Variants in MCOLN2 observed in about 807,000 individuals in gnomAD.
MCOLN2 encodes mucolipin-2.
A neutral mutation model predicts 67.5 loss-of-function variants in MCOLN2; 57 were observed. That is an observed-to-expected ratio of 0.84 (90% CI 0.68 to 1.05). The LOEUF (loss-of-function observed/expected upper bound fraction) is 1.05. Ranked by LOEUF, MCOLN2 falls within the 50% of genes least tolerant of loss-of-function variation. The probability of loss-of-function intolerance (pLI) is 0.00; values close to 1 mark genes in which losing one functional copy is unlikely to be tolerated. For missense variants in MCOLN2, 620 were observed against 678.8 expected (o/e 0.91, Z 0.96); for synonymous variants, 246 against 233.3 (o/e 1.05, Z -0.50).
intron 6 of MCOLN2, 107 bp downstream of exon 6, chr1:84,952,136 A>G: frequency 1.4e-6 from 1 of 692,364 alleles, no homozygotes. Flanking sequence ...TGTTTTAAAC[A>G]TGACTGCATT....
chr1:84,956,674 T>C lies in MCOLN2; in HGVS notation c.412-90A>G, dbSNP rs974974491. ...CATATAGAATGTACTTTCAGTTACT[T>C]TGTATTGTTTACATCATGGCTCTCA... On this transcript the variant is annotated intron_variant, in intron 3 of 13. Transcript: ENST00000370608. 4.5e-6 allele frequency: 5 copies of C among 1,105,366 alleles called. No individual in the cohort carries two copies. The African/African-American group carries it at 6.5e-5, about 14-fold the overall frequency. The allele number at this position is 1,105,366 out of a possible 1,614,324, so 68.5% of individuals were successfully genotyped here. A position where few individuals can be genotyped will look rare whatever the true frequency, so the allele number is the denominator to read the frequency against.
intron 1 of MCOLN2, among the ~76,000 whole-genome samples, chr1:84,981,963 A>T (rs1650278258): frequency 6.6e-6 from 1 of 152,164 alleles, no homozygotes; most frequent in Admixed American, 6.5e-5. Context: ...AAAATTAAAA[A>T]TAAAAGATAA....
At chr1:84,996,761 C>G in intron 1 of MCOLN2, 35 bp downstream of exon 1, 2 of 1,585,950 alleles carry the variant, frequency 1.3e-6, no homozygotes, top group Non-Finnish European at 1.7e-6. Flanking sequence ...TTTCTCCAGT[C>G]CAGCATCCTG....
chr1:84,969,083 T>C (rs531691883), intron 1 of MCOLN2, among the ~76,000 whole-genome samples: 16 of 151,418 alleles, frequency 1.1e-4, no homozygotes, highest in Non-Finnish European at 1.9e-4. Flanking sequence ...GAGGGTGTTG[T>C]ACCCGGGGAG....
At position 84,929,610 on chromosome 1, in the gene MCOLN2, C is replaced by A. The variant is rs1389420080; in HGVS notation, c.1612G>T (p.Glu538Ter). ...AAGGCTGAGGACTCTTTCTGATACT[C>A]TTCTTTGCTACTGCATTCCTTCAGG... ...EFLKECSSKE[E>*]YQKESSAFLS... The change falls in exon 13 of 14, where the codon GAG (glutamate) becomes TAG (stop). Residue 538 changes from glutamate (E) to a stop codon, truncating the protein, a stop_gained. Transcript: ENST00000370608. LOFTEE classifies it high-confidence loss of function. The A allele has an allele frequency of 1.2e-6, 2 of 1,613,870 alleles. No individual in the cohort carries two copies. Among genetic ancestry groups the A allele is most frequent in the Non-Finnish European group, 1.7e-6 (2 of 1,179,872 alleles).
At position 84,941,050 on chromosome 1, in the gene MCOLN2, A is replaced by G; in HGVS notation, c.848-59T>C. On this transcript the variant is annotated intron_variant, in intron 7 of 13. Coordinates refer to ENST00000370608, the MANE Select transcript of MCOLN2 (RefSeq NM_153259.4). ...CACCTTACCGGAGAATAATTTCCAA[A>G]CAAAATGGCAGTGTGAAAAGAAGTT... is the stretch of plus-strand genomic sequence containing the variant. 3 of 1,088,048 alleles carry G rather than the reference A, an allele frequency of 2.8e-6. No individual in the cohort carries two copies. The Admixed American group carries it at 6.4e-5, about 23-fold the overall frequency. The allele number at this position is 1,088,048 out of a possible 1,614,324, so 67.4% of individuals were successfully genotyped here. A position where few individuals can be genotyped will look rare whatever the true frequency, so the allele number is the denominator to read the frequency against.
chr1:84,959,358 A>C (rs187816425), intron 2 of MCOLN2, among the ~76,000 whole-genome samples: 1 of 152,264 alleles, frequency 6.6e-6, no homozygotes, highest in African/African-American at 2.4e-5. Context: ...CCAAGCATCC[A>C]CCTACTGAAA....
At chr1:84,953,788 C>T (rs1648638158) in intron 4 of MCOLN2, among the ~76,000 whole-genome samples, 1 of 152,090 alleles carries the variant, frequency 6.6e-6, no homozygotes, top group African/African-American at 2.4e-5. Context: ...AGGCTAACAC[C>T]CTTGTTTTAC....
chr1:84,959,129 A>G (rs1648947505), intron 2 of MCOLN2, among the ~76,000 whole-genome samples: 2 of 152,232 alleles, frequency 1.3e-5, no homozygotes, highest in South Asian at 4.1e-4. Flanking sequence ...TGTTTTACAT[A>G]TGGCTTTTAA....
intron 1 of MCOLN2, among the ~76,000 whole-genome samples, chr1:84,984,538 C>G (rs1650411176): frequency 6.6e-6 from 1 of 152,202 alleles, no homozygotes; most frequent in Admixed American, 6.5e-5. Context: ...TCTTTACTCT[C>G]TCATTTTGTG....
At position 84,996,801 on chromosome 1, in the gene MCOLN2, G is replaced by A. The variant is rs1651178452; in HGVS notation, c.72C>T (p.Thr24=). The change falls in exon 1 of 14, where the codon ACC becomes ACT. Residue 24 remains threonine, a synonymous_variant. Transcript: ENST00000370608. Reference sequence around the variant, plus strand: ...ATGAAGCCCAGACTCCTCACCTGACGGTTAACCTGAAAACACCTGATCCTC... The same window carrying A: ...ATGAAGCCCAGACTCCTCACCTGACAGTTAACCTGAAAACACCTGATCCTC... ...PERGSGVFRL[T]VRNAMAHRDS... 4 of 1,613,756 alleles carry A rather than the reference G, an allele frequency of 2.5e-6. No homozygotes were observed. Among genetic ancestry groups the A allele is most frequent in the Admixed American group, 3.3e-5 (2 of 59,996 alleles).
intron 8 of MCOLN2, 113 bp from the exon 9 acceptor site, chr1:84,939,815 A>C: frequency 9.2e-7 from 1 of 1,091,380 alleles, no homozygotes; most frequent in Non-Finnish European, 1.3e-6. Context: ...TTGCCTTTCC[A>C]ATTTGCCAGA....
chr1:84,957,666 T>C (rs1213052267), intron 3 of MCOLN2, among the ~76,000 whole-genome samples: 1 of 152,180 alleles, frequency 6.6e-6, no homozygotes. Flanking sequence ...CTCTGATCAA[T>C]ATAGCATCTC....
intron 4 of MCOLN2, 67 bp from the exon 5 acceptor site, chr1:84,952,597 A>G (rs1648559273): frequency 2.1e-6 from 2 of 974,668 alleles, no homozygotes; most frequent in Admixed American, 1.8e-5. Context: ...CTAATGGGTG[A>G]AAGTGTGACA....
At chr1:84,943,453 G>C (rs531044029) in intron 7 of MCOLN2, among the ~76,000 whole-genome samples, 1 of 152,234 alleles carries the variant, frequency 6.6e-6, no homozygotes, top group Non-Finnish European at 1.5e-5. Context: ...GATGAGCTCA[G>C]GAATGGGATG....
At chr1:84,928,247 C>T (rs1661248697) in intron 13 of MCOLN2, among the ~76,000 whole-genome samples, 1 of 152,190 alleles carries the variant, frequency 6.6e-6, no homozygotes, top group South Asian at 2.1e-4. Flanking sequence ...CTTGTTCCCT[C>T]AAATTCTTTC....
intron 1 of MCOLN2, among the ~76,000 whole-genome samples, chr1:84,995,043 T>G (rs1651079974): frequency 6.6e-6 from 1 of 152,272 alleles, no homozygotes; most frequent in East Asian, 1.9e-4. Context: ...GATAGAAGAA[T>G]GGCTGGTCGG....
At chr1:84,926,803 C>A in intron 13 of MCOLN2, 82 bp from the exon 14 acceptor site, 1 of 1,041,944 alleles carries the variant, frequency 9.6e-7, no homozygotes, top group Non-Finnish European at 1.4e-6. Flanking sequence ...ACTCTATATT[C>A]TAGGCCCGTA....
chr1:84,976,427 G>C (rs933099075), intron 1 of MCOLN2, among the ~76,000 whole-genome samples: 1 of 152,212 alleles, frequency 6.6e-6, no homozygotes, highest in Non-Finnish European at 1.5e-5. Flanking sequence ...TTCTAGAATA[G>C]TATGTCTGGT....
Sources: allele counts gnomAD v4.1 joint callset (sites outside exome capture counted in the v4.1 genomes callset), GRCh38; gene constraint gnomAD v4.1.1; transcripts MANE v1.5; gene names NCBI Gene and HGNC (gene_info 2026-07-23, HGNC 2026-07-21).